Variants in HIC2 observed in about 807,000 individuals in gnomAD.
HIC2 encodes the protein HIC ZBTB transcriptional repressor 2.
Under a neutral mutation model 39.5 loss-of-function variants are expected in HIC2, and 2 were observed. The observed-to-expected ratio is 0.05, with a 90% CI of 0.02 to 0.16. HIC2 has a LOEUF of 0.16. HIC2 is among the 10% of genes least tolerant of loss of function. The pLI is 1.00. For missense variants in HIC2, 713 were observed against 863.5 expected (o/e 0.83, Z 2.18); for synonymous variants, 399 against 368.8 (o/e 1.08, Z -0.94).
At position 21,449,605 on chromosome 22, in the gene HIC2, T is replaced by G. The variant is rs1601341477; in HGVS notation, c.*2862T>G. On this transcript the variant is annotated 3_prime_UTR_variant, in exon 3 of 3. Transcript: ENST00000407464. ...GCTGTAAGGCCAGTCCAGGGAACCC[T>G]CCCCTGCTGCTGGAAACCCTTCTGA... 12 of 152,908 alleles carry G rather than the reference T, an allele frequency of 7.8e-5. 1 individual carries two copies. The South Asian group carries it at 2.3e-3, about 29-fold the overall frequency. The allele number at this position is 152,908 out of a possible 1,614,324, so 9.5% of individuals were successfully genotyped here. A position where few individuals can be genotyped will look rare whatever the true frequency, so the allele number is the denominator to read the frequency against.
intron 1 of HIC2, among the ~76,000 whole-genome samples, chr22:21,417,902 A>G (rs898915775): frequency 6.1e-5 from 9 of 148,600 alleles, no homozygotes; most frequent in African/African-American, 9.8e-5. Flanking sequence ...TTTCATTAGC[A>G]ATCTAATCCG....
intron 1 of HIC2, among the ~76,000 whole-genome samples, chr22:21,432,667 ACT>A (rs1487087245): frequency 1.4e-5 from 2 of 141,768 alleles, no homozygotes; most frequent in African/African-American, 2.7e-5. Context: ...CAAGAGGAAA[ACT>A]CTGTCTCAAA....
intron 2 of HIC2, among the ~76,000 whole-genome samples, chr22:21,443,170 G>A (rs1270123701): frequency 1.3e-5 from 2 of 152,196 alleles, no homozygotes; most frequent in Non-Finnish European, 2.9e-5. Flanking sequence ...CGGGCAGGGA[G>A]TGGAGGAGGA....
chr22:21,446,406 C>A lies in HIC2; in HGVS notation c.1511C>A (p.Pro504His), dbSNP rs1923844122. The A allele has an allele frequency of 2.5e-6, 4 of 1,612,156 alleles. No individual in the cohort carries two copies. The highest frequency in any genetic ancestry group is 2.5e-6 in the Non-Finnish European group (3 of 1,180,022). Residue 504 changes from proline to histidine, a missense_variant, in exon 3 of 3, where the codon CCC (proline) becomes CAC (histidine). This residue lies in a region of HIC2 where 103 missense variants were observed against 103.4 expected (regional missense o/e 1.00). Coordinates refer to ENST00000407464, the MANE Select transcript of HIC2 (RefSeq NM_015094.3). ...GCGGCCTACACGGCTGAGCCCCGGC[C>A]CTTCAAGTGTTCGGTCTGCGAGAAG... ...PSAAYTAEPR[P>H]FKCSVCEKTY...
rs915086378 is a variant in HIC2 at position 21,451,419 on chromosome 22, G to T, written c.*4676G>T. 1.3e-5 allele frequency: 2 copies of T among 152,754 alleles called. No individual in the cohort carries two copies. The highest frequency in any genetic ancestry group is 2.9e-5 in the Non-Finnish European group (2 of 68,040). 9.5% of individuals were successfully genotyped at this position (152,754 alleles called of 1,614,324 possible). Reference sequence around the variant, plus strand: ...TGCAGTCTTAAATGTACAGCGATAAGAAACTGTTATTTTATGATCTTTTCA... The same window carrying T: ...TGCAGTCTTAAATGTACAGCGATAATAAACTGTTATTTTATGATCTTTTCA... On this transcript the variant is annotated 3_prime_UTR_variant, in exon 3 of 3. Transcript: ENST00000407464.
intron 1 of HIC2, among the ~76,000 whole-genome samples, chr22:21,432,235 G>T (rs1923340408): frequency 1.2e-5 from 1 of 86,596 alleles, no homozygotes; most frequent in Non-Finnish European, 2.2e-5. Context: ...GCCGGCTCCT[G>T]CCCTACCTGG....
At chr22:21,426,014 T>G (rs1923232123) in intron 1 of HIC2, among the ~76,000 whole-genome samples, 1 of 152,268 alleles carries the variant, frequency 6.6e-6, no homozygotes, top group African/African-American at 2.4e-5. Flanking sequence ...CTGGTGTAAT[T>G]TTGTCTAGTT....
intron 2 of HIC2, among the ~76,000 whole-genome samples, chr22:21,443,090 G>T (rs915405108): frequency 6.6e-6 from 1 of 151,758 alleles, no homozygotes; most frequent in African/African-American, 2.4e-5. Context: ...TTTTCTGGGG[G>T]CTAGGTTACT....
chr22:21,445,155 T>C lies in HIC2; in HGVS notation c.260T>C (p.Met87Thr). The change falls in exon 3 of 3, where the codon ATG becomes ACG. Residue 87 changes from methionine (M) to threonine (T), a missense_variant. Physicochemically the swap from Met to Thr is moderately conservative, Grantham distance 81. Around this residue, in one of 5 missense-constraint regions of HIC2, gnomAD observed 102 missense variants for 187.1 expected, o/e 0.55. Transcript: ENST00000407464. ...HDNLINLDTD[M>T]VSSTVFQQIL... ...AACCTCATCAACCTGGACACAGACATGGTCAGCTCCACAGTGTTCCAGCAG... is the reference window on the plus strand; with the variant it reads ...AACCTCATCAACCTGGACACAGACACGGTCAGCTCCACAGTGTTCCAGCAG... 6.2e-7 allele frequency: 1 copy of C among 1,614,218 alleles called. No individual in the cohort carries two copies. The highest frequency in any genetic ancestry group is 8.5e-7 in the Non-Finnish European group (1 of 1,180,034).
rs1414200514 is a variant in HIC2, at chr22:21,447,909, T to C, written c.*1166T>C. On this transcript the variant is annotated 3_prime_UTR_variant, in exon 3 of 3. Transcript: ENST00000407464. ...AGACTTCTGACCTTTTGCTACCTCT[T>C]GAATTCATGACAACGATATGTTGGT... The C allele has an allele frequency of 6.5e-6, 1 of 152,808 alleles. No individual in the cohort carries two copies. The highest frequency in any genetic ancestry group is 1.9e-4 in the East Asian group (1 of 5,334). 9.5% of individuals were successfully genotyped at this position (152,808 alleles called of 1,614,324 possible). A position where few individuals can be genotyped will look rare whatever the true frequency, so the allele number is the denominator to read the frequency against.
chr22:21,450,068 T>C lies in HIC2; in HGVS notation c.*3325T>C, dbSNP rs1294844962. 1 of 152,772 alleles carries C rather than the reference T, an allele frequency of 6.5e-6. No homozygotes were observed. Among genetic ancestry groups the C allele is most frequent in the Non-Finnish European group, 1.5e-5 (1 of 68,050 alleles). The allele number at this position is 152,772 out of a possible 1,614,324, so 9.5% of individuals were successfully genotyped here. A position where few individuals can be genotyped will look rare whatever the true frequency, so the allele number is the denominator to read the frequency against. ...GTCTGGTCCTTACCAACATAGACGG[T>C]GCAAACACTCTTAACAGTGTTGTTT... On this transcript the variant is annotated 3_prime_UTR_variant, in exon 3 of 3. Coordinates refer to ENST00000407464, the MANE Select transcript of HIC2 (RefSeq NM_015094.3).
At chr22:21,443,069 C>T (rs981485396) in intron 2 of HIC2, among the ~76,000 whole-genome samples, 8 of 152,290 alleles carry the variant, frequency 5.3e-5, no homozygotes, top group South Asian at 2.1e-4. Context: ...CTGGCAGAGC[C>T]GGCACTGATG....
chr22:21,444,803 T>C, intron 2 of HIC2, 119 bp from the exon 3 acceptor site: 1 of 1,113,442 alleles, frequency 9.0e-7, no homozygotes. Context: ...CCGCAGGGGC[T>C]CCTGCCCTAT....
At position 21,451,460 on chromosome 22, in the gene HIC2, A is replaced by G. The variant is rs1924193248; in HGVS notation, c.*4717A>G. On this transcript the variant is annotated 3_prime_UTR_variant, in exon 3 of 3. Transcript: ENST00000407464. The stretch of plus-strand genomic sequence containing the variant: ...GATCTTTTCATTAAAAGCTTGATTG[A>G]AAACTCTGGTGTGGGACCTCCATAT... The G allele has an allele frequency of 6.5e-6, 1 of 152,802 alleles. No homozygotes were observed. The highest frequency in any genetic ancestry group is 2.4e-5 in the African/African-American group (1 of 41,458). The allele number at this position is 152,802 out of a possible 1,614,324, so 9.5% of individuals were successfully genotyped here.
chr22:21,445,526 G>C lies in HIC2; in HGVS notation c.631G>C (p.Val211Leu), dbSNP rs766099957. ...LFLGGSNQDS[V>L]QGLGRAVCPA... is the part of the protein sequence containing the mutation. ...TCTTGGTGGCTCTAACCAGGATAGC[G>C]TGCAAGGTCTGGGCCGGGCTGTCTG... The change falls in exon 3 of 3, where the codon GTG (valine) becomes CTG (leucine). Residue 211 changes from valine (V) to leucine (L), a missense_variant. Physicochemically the swap from Val to Leu is conservative, Grantham distance 32. Transcript: ENST00000407464. The C allele has an allele frequency of 1.2e-6, 2 of 1,601,010 alleles. No individual in the cohort carries two copies. Among genetic ancestry groups the C allele is most frequent in the Admixed American group, 3.5e-5 (2 of 56,476 alleles).
At chr22:21,444,432 C>T (rs77362533) in intron 2 of HIC2, among the ~76,000 whole-genome samples, 10,965 of 152,308 alleles carry the variant, frequency 0.072, 792 homozygotes, top group African/African-American at 0.18. Context: ...GATTTGGGCC[C>T]TGCCGTATTT....
At position 21,445,427 on chromosome 22, in the gene HIC2, C is replaced by A; in HGVS notation, c.532C>A (p.Leu178Ile). 4.6e-6 allele frequency: 7 copies of A among 1,529,332 alleles called. No homozygotes were observed. Among genetic ancestry groups the A allele is most frequent in the Non-Finnish European group, 6.1e-6 (7 of 1,142,530 alleles). 94.7% of individuals were successfully genotyped at this position (1,529,332 alleles called of 1,614,324 possible). Residue 178 changes from leucine (L) to isoleucine (I), a missense_variant, in exon 3 of 3, where the codon CTC (leucine) becomes ATC (isoleucine). Coordinates refer to ENST00000407464, the MANE Select transcript of HIC2 (RefSeq NM_015094.3). ...ASVIQARYQGLVDGRKGAHAP... is the reference protein window; with the variant it reads ...ASVIQARYQGIVDGRKGAHAP... ...TGTCATCCAAGCTCGGTATCAGGGG[C>A]TCGTGGATGGGCGCAAGGGGGCCCA...
rs1033303756 is a variant in HIC2, at chr22:21,450,845, A to C, written c.*4102A>C. ...GGCTGCCCAGGACCCCCTTCCTAGG[A>C]TGCCCCGGCTTCAGTCACCCCACTT... On this transcript the variant is annotated 3_prime_UTR_variant, in exon 3 of 3. Transcript: ENST00000407464. 2.0e-5 allele frequency: 3 copies of C among 152,458 alleles called. No individual in the cohort carries two copies. The highest frequency in any genetic ancestry group is 7.3e-5 in the African/African-American group (3 of 41,346). 9.4% of individuals were successfully genotyped at this position (152,458 alleles called of 1,614,324 possible).
chr22:21,443,725 C>T (rs1449764677), intron 2 of HIC2, among the ~76,000 whole-genome samples: 1 of 152,172 alleles, frequency 6.6e-6, no homozygotes. Context: ...CCCCAGCACC[C>T]TCCTGCTGAG....
Sources: gnomAD v4.1 joint callset for allele counts (sites outside exome capture counted in the v4.1 genomes callset) on GRCh38, gnomAD v4.1.1 for gene constraint, gnomAD v4.1.1 regional missense constraint, MANE v1.5 for transcripts, NCBI Gene and HGNC (gene_info 2026-07-23, HGNC 2026-07-21) for gene names.